Variants in DNAJC10 observed in about 807,000 individuals in gnomAD.
DNAJC10 encodes the protein DnaJ heat shock protein family (Hsp40) member C10.
A neutral mutation model predicts 115.0 loss-of-function variants in DNAJC10; 101 were observed. The ratio of observed to expected loss-of-function variants is 0.88; its 90% CI spans 0.75 to 1.04. The LOEUF (loss-of-function observed/expected upper bound fraction) is 1.04, where lower values mean the gene tolerates loss of function less well. Among genes scored for constraint, DNAJC10 ranks in the 50% least tolerant of loss-of-function variants. The probability of loss-of-function intolerance (pLI) is 0.00; values close to 1 mark genes in which losing one functional copy is unlikely to be tolerated. For missense variants in DNAJC10, 981 were observed against 928.8 expected (o/e 1.06, Z -0.73); for synonymous variants, 307 against 301.5 (o/e 1.02, Z -0.19).
chr2:182,730,034 T>C (rs1268207224), intron 8 of DNAJC10, 93 bp downstream of exon 8: 3 of 788,520 alleles, frequency 3.8e-6, no homozygotes, highest in Non-Finnish European at 4.1e-6. Context: ...GGTCATGGTA[T>C]TGAAATTTTA....
intron 14 of DNAJC10, 138 bp downstream of exon 14, chr2:182,743,850 T>G: frequency 1.6e-6 from 1 of 614,928 alleles, no homozygotes; most frequent in Admixed American, 3.0e-5. Flanking sequence ...AGGACAGATA[T>G]TTTGAATTAT....
intron 10 of DNAJC10, among the ~76,000 whole-genome samples, chr2:182,734,622 T>C (rs2105632677): frequency 6.6e-6 from 1 of 151,982 alleles, no homozygotes. Context: ...ATCTTAATAA[T>C]TTTATTGTCT....
intron 14 of DNAJC10, among the ~76,000 whole-genome samples, chr2:182,749,488 T>G (rs1015981195): frequency 6.7e-6 from 1 of 149,792 alleles, no homozygotes; most frequent in Non-Finnish European, 1.5e-5. Context: ...CCCCTGCCTT[T>G]TTTTGTTTTC....
intron 5 of DNAJC10, among the ~76,000 whole-genome samples, chr2:182,727,253 G>A (rs1693311661): frequency 1.3e-5 from 2 of 150,112 alleles, no homozygotes; most frequent in South Asian, 4.1e-4. Context: ...CTACAAGAAA[G>A]GTTTTGTGTC....
chr2:182,770,226 T>C (rs1197640327), intron 22 of DNAJC10, among the ~76,000 whole-genome samples: 2 of 152,194 alleles, frequency 1.3e-5, no homozygotes, highest in African/African-American at 4.8e-5. Flanking sequence ...AGCCTTGTAG[T>C]ATAGTTTGAA....
intron 14 of DNAJC10, among the ~76,000 whole-genome samples, chr2:182,748,189 C>G (rs1413913466): frequency 6.6e-6 from 1 of 150,640 alleles, no homozygotes; most frequent in Non-Finnish European, 1.5e-5. Flanking sequence ...GTCTAAAATT[C>G]TCTTTTTTGG....
chr2:182,731,693 T>C (rs529838106), intron 9 of DNAJC10, among the ~76,000 whole-genome samples: 1 of 152,180 alleles, frequency 6.6e-6, no homozygotes, highest in African/African-American at 2.4e-5. Flanking sequence ...TTGCATGTAT[T>C]TAATCCCAAC....
Position 182,777,230 on chromosome 2 carries a change from A to G in DNAJC10, c.*98A>G. The G allele has an allele frequency of 1.3e-6, 1 of 745,026 alleles. No individual in the cohort carries two copies. The highest frequency in any genetic ancestry group is 2.7e-4 in the Middle Eastern group (1 of 3,752). The allele number at this position is 745,026 out of a possible 1,614,324, so 46.2% of individuals were successfully genotyped here. On this transcript the variant is annotated 3_prime_UTR_variant, in exon 24 of 24. Transcript: ENST00000264065. ...TTACATTTATGATGGGAATGAATGA[A>G]CATTATCTTAGACTTGCAGTTGTAC...
chr2:182,733,218 T>G (rs1370955878), intron 10 of DNAJC10, among the ~76,000 whole-genome samples: 1 of 150,970 alleles, frequency 6.6e-6, no homozygotes, highest in African/African-American at 2.5e-5. Flanking sequence ...TATTTTGACA[T>G]TATATTGTTG....
chr2:182,749,412 G>A (rs1693957667), intron 14 of DNAJC10, among the ~76,000 whole-genome samples: 1 of 147,438 alleles, frequency 6.8e-6, no homozygotes. Flanking sequence ...ATTAGGTAAT[G>A]GCCTTCTTTG....
chr2:182,745,034 T>C (rs949134636), intron 14 of DNAJC10, among the ~76,000 whole-genome samples: 1 of 152,202 alleles, frequency 6.6e-6, no homozygotes, highest in Admixed American at 6.5e-5. Context: ...TTCCTTAAAA[T>C]CAATTCCTTG....
intron 17 of DNAJC10, among the ~76,000 whole-genome samples, 179 bp downstream of exon 17, chr2:182,755,283 TC>T (rs1694129257): frequency 1.3e-5 from 2 of 152,192 alleles, no homozygotes; most frequent in Non-Finnish European, 2.9e-5. Flanking sequence ...GTCTGTAAAC[TC>T]AAAGTAAATC....
intron 14 of DNAJC10, among the ~76,000 whole-genome samples, chr2:182,746,652 T>A (rs919440070): frequency 2.6e-5 from 4 of 152,212 alleles, no homozygotes; most frequent in Non-Finnish European, 5.9e-5. Flanking sequence ...ATGAGTAGGT[T>A]GCGAAAATTT....
rs779459898 is a variant in DNAJC10, at chr2:182,750,132, A to T, written c.1307-1526A>T. ...TCAGTATTACTTGGTGACTGATGAGATGTGTGGGAGGTCAAGAGAGAGAGA... is the reference window on the plus strand; with the variant it reads ...TCAGTATTACTTGGTGACTGATGAGTTGTGTGGGAGGTCAAGAGAGAGAGA... On this transcript the variant is annotated intron_variant, in intron 14 of 23. Transcript: ENST00000264065. Among the ~76,000 whole-genome samples the T allele has an allele frequency of 2.0e-5, 3 of 152,170 alleles. No individual in the cohort carries two copies. The East Asian group carries it at 5.8e-4, about 29-fold the overall frequency.
intron 22 of DNAJC10, among the ~76,000 whole-genome samples, chr2:182,767,028 G>A (rs977381727): frequency 1.6e-4 from 24 of 152,072 alleles, no homozygotes; most frequent in Non-Finnish European, 3.1e-4. Context: ...AGAGAGAGGA[G>A]CACCCCCGTG....
At chr2:182,724,143 A>G (rs1421975817) in intron 5 of DNAJC10, among the ~76,000 whole-genome samples, 2 of 152,240 alleles carry the variant, frequency 1.3e-5, no homozygotes, top group East Asian at 1.9e-4. Flanking sequence ...TACATAATAC[A>G]GTAAGGATTG....
intron 22 of DNAJC10, among the ~76,000 whole-genome samples, chr2:182,768,456 C>T (rs1237536407): frequency 1.3e-5 from 2 of 152,172 alleles, no homozygotes; most frequent in African/African-American, 4.8e-5. Context: ...CCAAACATCC[C>T]TGTCCAAATT....
rs1694751082 is a variant in DNAJC10 at position 182,777,922 on chromosome 2, A to AG, written c.*793dup. 1 of 152,214 alleles carries AG rather than the reference A, an allele frequency of 6.6e-6. No homozygotes were observed. The highest frequency in any genetic ancestry group is 1.5e-5 in the Non-Finnish European group (1 of 68,034). 9.4% of individuals were successfully genotyped at this position (152,214 alleles called of 1,614,324 possible). ...TTGCCGTATCATCCAGGAAAACCTG[A>AG]GGGAAAAAAATTATAGCAATTAACT... On this transcript the variant is annotated 3_prime_UTR_variant, in exon 24 of 24. Coordinates refer to ENST00000264065, the MANE Select transcript of DNAJC10 (RefSeq NM_018981.4).
intron 14 of DNAJC10, among the ~76,000 whole-genome samples, chr2:182,747,347 G>A (rs1470068114): frequency 6.6e-6 from 1 of 152,108 alleles, no homozygotes; most frequent in African/African-American, 2.4e-5. Context: ...ACAATATTGA[G>A]TCTTCCTACC....
Sources: allele counts gnomAD v4.1 joint callset (sites outside exome capture counted in the v4.1 genomes callset), GRCh38; gene constraint gnomAD v4.1.1; transcripts MANE v1.5; gene names NCBI Gene and HGNC (gene_info 2026-07-23, HGNC 2026-07-21).